PACRG: variants seen among roughly 807,000 people sequenced by gnomAD.
The protein encoded by PACRG is parkin coregulated, also known as parkin coregulated gene protein.
A neutral mutation model predicts 29.7 loss-of-function variants in PACRG; 29 were observed. That is an observed-to-expected ratio of 0.98 (90% confidence interval 0.73 to 1.33). PACRG has a LOEUF of 1.33. Ranked by LOEUF, PACRG falls within the 40% of genes most tolerant of loss-of-function variation. PACRG has a pLI of 0.00. For synonymous variants in PACRG, 116 were observed against 118.7 expected, an observed-to-expected ratio of 0.98 and a Z score of 0.15; for missense variants, 279 against 316.2, an observed-to-expected ratio of 0.88 and a Z score of 0.89.
At chr6:163,173,608 C>T (rs190235165) in intron 4 of PACRG, among the ~76,000 whole-genome samples, 16 of 152,314 alleles carry the variant, frequency 1.1e-4, no homozygotes, top group Non-Finnish European at 8.8e-5. Flanking sequence ...TCACGCTCTC[C>T]GCTCTCCCCC....
At chr6:163,053,771 G>A (rs932968612) in intron 2 of PACRG, among the ~76,000 whole-genome samples, 22 of 152,026 alleles carry the variant, frequency 1.4e-4, no homozygotes, top group Admixed American at 9.8e-4. Context: ...TTAAACAGCC[G>A]ACCCTCGGTG....
At chr6:162,799,113 A>G (rs746770790) in intron 1 of PACRG, among the ~76,000 whole-genome samples, 1 of 152,212 alleles carries the variant, frequency 6.6e-6, no homozygotes, top group Non-Finnish European at 1.5e-5. Context: ...CAGGAGTTCA[A>G]TCTGCATGTG....
chr6:162,837,255 A>G (rs903393009), intron 2 of PACRG, among the ~76,000 whole-genome samples: 5 of 152,156 alleles, frequency 3.3e-5, no homozygotes, highest in African/African-American at 9.7e-5. Context: ...ACTATTGTGA[A>G]TCAAGTATTT....
At chr6:163,146,683 T>C (rs977391081) in intron 4 of PACRG, among the ~76,000 whole-genome samples, 7 of 152,236 alleles carry the variant, frequency 4.6e-5, no homozygotes, top group African/African-American at 1.7e-4. Context: ...TCTGTTTACA[T>C]GGGGTGTTCA....
chr6:162,750,764 T>G (rs4568424), intron 1 of PACRG, among the ~76,000 whole-genome samples: 100,170 of 152,046 alleles, frequency 0.66, 33,653 homozygotes, highest in South Asian at 0.82. Flanking sequence ...TACAAGGTAC[T>G]TGCTCAGCAA....
At chr6:162,931,971 G>A (rs926489300) in intron 2 of PACRG, among the ~76,000 whole-genome samples, 4 of 151,918 alleles carry the variant, frequency 2.6e-5, no homozygotes, top group Admixed American at 2.0e-4. Flanking sequence ...GTTGATAAGG[G>A]CTTTATATGT....
chr6:162,809,167 A>C (rs1486854924), intron 1 of PACRG, among the ~76,000 whole-genome samples: 1 of 152,190 alleles, frequency 6.6e-6, no homozygotes, highest in East Asian at 1.9e-4. Flanking sequence ...GTAGTGACAA[A>C]GCATCTGCAT....
chr6:162,874,622 C>G (rs1051584065), intron 2 of PACRG, among the ~76,000 whole-genome samples: 1 of 152,276 alleles, frequency 6.6e-6, no homozygotes, highest in African/African-American at 2.4e-5. Context: ...TGGACACCCC[C>G]CAATGTGGCG....
chr6:162,750,921 A>G (rs1309835406), intron 1 of PACRG, among the ~76,000 whole-genome samples: 1 of 152,256 alleles, frequency 6.6e-6, no homozygotes, highest in Non-Finnish European at 1.5e-5. Flanking sequence ...TTTAGCCACT[A>G]GTGGTCGTGA....
At chr6:163,122,819 C>A (rs1562928479) in intron 4 of PACRG, among the ~76,000 whole-genome samples, 3 of 152,188 alleles carry the variant, frequency 2.0e-5, no homozygotes, top group Admixed American at 2.0e-4. Context: ...GGTATACATA[C>A]ATTTATGTTA....
At chr6:162,872,598 C>G (rs1792917657) in intron 2 of PACRG, among the ~76,000 whole-genome samples, 1 of 152,070 alleles carries the variant, frequency 6.6e-6, no homozygotes, top group Non-Finnish European at 1.5e-5. Flanking sequence ...AGAAACTTCC[C>G]TAAAAATTGT....
intron 4 of PACRG, among the ~76,000 whole-genome samples, chr6:163,144,839 G>C (rs1358187945): frequency 1.3e-5 from 2 of 152,160 alleles, no homozygotes; most frequent in African/African-American, 2.4e-5. Context: ...GTGAGCTCCA[G>C]GCAGTAACAT....
At chr6:162,740,605 C>CT (rs58613523) in intron 1 of PACRG, among the ~76,000 whole-genome samples, 51 of 134,654 alleles carry the variant, frequency 3.8e-4, no homozygotes, top group Non-Finnish European at 5.4e-4. Context: ...GCATGAGCCA[C>CT]TTTTTTTTTT....
intron 2 of PACRG, among the ~76,000 whole-genome samples, chr6:162,889,749 C>T (rs1191759659): frequency 3.3e-5 from 5 of 152,146 alleles, no homozygotes; most frequent in East Asian, 3.8e-4. Context: ...TTTTATAGTC[C>T]GGTTATTTTC....
intron 4 of PACRG, among the ~76,000 whole-genome samples, chr6:163,218,895 G>A (rs1293869916): frequency 3.9e-5 from 6 of 152,242 alleles, no homozygotes; most frequent in African/African-American, 7.2e-5. Flanking sequence ...TTGTCACAAG[G>A]TGGGGAGATG....
intron 2 of PACRG, among the ~76,000 whole-genome samples, chr6:162,928,258 G>A (rs1031082906): frequency 1.3e-5 from 2 of 151,826 alleles, no homozygotes; most frequent in East Asian, 1.9e-4. Context: ...TATATGTGCC[G>A]AGAAATTCAT....
At chr6:163,252,677 C>T (rs1585372949) in intron 4 of PACRG, among the ~76,000 whole-genome samples, 1 of 152,214 alleles carries the variant, frequency 6.6e-6, no homozygotes, top group African/African-American at 2.4e-5. Context: ...TCCTAACGGA[C>T]ACCTCACCAG....
chr6:162,844,284 G>A (rs79325399), intron 2 of PACRG, among the ~76,000 whole-genome samples: 1 of 152,016 alleles, frequency 6.6e-6, no homozygotes, highest in South Asian at 2.1e-4. Flanking sequence ...AGCCAGGTGC[G>A]GGATATAATC....
At chr6:163,135,927 A>G (rs1816919270) in intron 4 of PACRG, among the ~76,000 whole-genome samples, 1 of 152,212 alleles carries the variant, frequency 6.6e-6, no homozygotes, top group African/African-American at 2.4e-5. Context: ...TTTCTTTTCT[A>G]AAAATTGCCT....
Sources: allele counts gnomAD v4.1 joint callset (sites outside exome capture counted in the v4.1 genomes callset), GRCh38; gene constraint gnomAD v4.1.1; transcripts MANE v1.5; gene names NCBI Gene and HGNC (gene_info 2026-07-23, HGNC 2026-07-21).